Variants in DHRS3 observed in about 807,000 individuals in gnomAD.
DHRS3 encodes short-chain dehydrogenase/reductase 3.
Under a neutral mutation model 27.2 loss-of-function variants are expected in DHRS3, and 14 were observed. That is an observed-to-expected ratio of 0.52 (90% CI 0.34 to 0.81). The LOEUF (loss-of-function observed/expected upper bound fraction) is 0.81. DHRS3 is among the 30% of genes least tolerant of loss of function. The pLI is 0.01. For missense variants in DHRS3, 322 were observed against 406.2 expected, an observed-to-expected ratio of 0.79 and a Z score of 1.78; for synonymous variants, 165 against 175.9, an observed-to-expected ratio of 0.94 and a Z score of 0.49.
chr1:12,616,754 G>T (rs1446053843), intron 1 of DHRS3: 1 of 1,019,940 alleles, frequency 9.8e-7, no homozygotes, highest in East Asian at 9.6e-5. Context: ...CAGCTAGCAG[G>T]CGGCTCCCAG....
chr1:12,589,738 C>T (rs1398796577), intron 1 of DHRS3, among the ~76,000 whole-genome samples: 1 of 152,126 alleles, frequency 6.6e-6, no homozygotes, highest in Admixed American at 6.5e-5. Context: ...ATTCCCAGCA[C>T]TTTGGGAGGC....
chr1:12,583,393 CATCCATCCATCCACTCACCTACTT>C (rs1356188392), intron 1 of DHRS3, among the ~76,000 whole-genome samples: 7 of 145,588 alleles, frequency 4.8e-5, no homozygotes, highest in Non-Finnish European at 7.6e-5. Flanking sequence ...CCCATCCATC[CATCCATCCATCCACTCACCTACTT>C]ATCCATCCAT....
At chr1:12,577,536 G>C (rs1033159145) in intron 4 of DHRS3, among the ~76,000 whole-genome samples, 1 of 152,114 alleles carries the variant, frequency 6.6e-6, no homozygotes, top group Non-Finnish European at 1.5e-5. Context: ...ATTTTAAATT[G>C]AGCTACGGCC....
rs933455601 is a variant in DHRS3 at position 12,593,600 on chromosome 1, A to G, written c.196-12934T>C. The stretch of plus-strand genomic sequence containing the variant: ...AACACCAGCTCTGATTTGATTTACA[A>G]ATCTACCCTTCTTTGATTTCCTCCT... On this transcript the variant is annotated intron_variant, in intron 1 of 5. Transcript: ENST00000616661. This position sits in a 1 kb window ranked among gnomAD's most constrained non-coding sequence, Gnocchi z 4.6. Among the ~76,000 whole-genome samples, 1 of 152,010 alleles carries G rather than the reference A, an allele frequency of 6.6e-6. No homozygotes were observed. Among genetic ancestry groups the G allele is most frequent in the Non-Finnish European group, 1.5e-5 (1 of 67,992 alleles).
intron 1 of DHRS3, chr1:12,616,643 C>A (rs1358216294): frequency 1.3e-5 from 13 of 993,620 alleles, no homozygotes; most frequent in East Asian, 1.1e-4. Context: ...GACCGCTCTT[C>A]CCTTTTCAAA....
chr1:12,602,328 G>A (rs1032587511), intron 1 of DHRS3, among the ~76,000 whole-genome samples: 1 of 151,950 alleles, frequency 6.6e-6, no homozygotes, highest in East Asian at 1.9e-4. Context: ...GCTGTGCCAC[G>A]GGTCATCTCA....
At chr1:12,611,860 G>C (rs921181620) in intron 1 of DHRS3, among the ~76,000 whole-genome samples, 1 of 151,936 alleles carries the variant, frequency 6.6e-6, no homozygotes, top group African/African-American at 2.4e-5. Context: ...GGAAGGTCAA[G>C]AAGGAAGGAT....
chr1:12,583,323 T>TCATC (rs533930418), intron 1 of DHRS3, among the ~76,000 whole-genome samples: 5,519 of 126,580 alleles, frequency 0.044, 198 homozygotes, highest in Non-Finnish European at 0.06. Context: ...CCTACTCCAT[T>TCATC]CATCCATCCA....
chr1:12,571,850 A>G (rs1347891916), intron 5 of DHRS3, among the ~76,000 whole-genome samples: 2 of 152,106 alleles, frequency 1.3e-5, no homozygotes, highest in Non-Finnish European at 2.9e-5. Context: ...TTTCTGTAAT[A>G]ATACTAAGAT....
rs900740125 is a variant in DHRS3 at position 12,608,687 on chromosome 1, C to T, written c.195+8467G>A. Among the ~76,000 whole-genome samples, 9 of 152,080 alleles carry T rather than the reference C, an allele frequency of 5.9e-5. No homozygotes were observed. The South Asian group carries it at 8.3e-4, about 14-fold the overall frequency. ...CTAACCTCCCCCAGTGCAGAAATCT[C>T]GACACCATGTTTGCTTAAAGAGCAA... On this transcript the variant is annotated intron_variant, in intron 1 of 5. Transcript: ENST00000616661. The surrounding 1 kb of genome is among the most constrained non-coding windows in gnomAD (Gnocchi z 4.1).
At chr1:12,572,707 T>G (rs1205708089) in intron 5 of DHRS3, 21 bp downstream of exon 5, 1 of 1,571,820 alleles carries the variant, frequency 6.4e-7, no homozygotes, top group African/African-American at 1.3e-5. Context: ...TGACCCAGAG[T>G]GTTCTTTCCC....
chr1:12,606,136 CAAAAA>C (rs35154933), intron 1 of DHRS3, among the ~76,000 whole-genome samples: 3 of 106,846 alleles, frequency 2.8e-5, no homozygotes, highest in Non-Finnish European at 1.8e-5. Flanking sequence ...GACTCTGTCT[CAAAAA>C]AAAAAAAAAA....
chr1:12,589,307 C>T (rs938592404), intron 1 of DHRS3, among the ~76,000 whole-genome samples: 2 of 152,016 alleles, frequency 1.3e-5, no homozygotes, highest in African/African-American at 2.4e-5. Flanking sequence ...GGGTTCAATT[C>T]TTTAACAGTT....
At chr1:12,572,922 G>A (rs1261903740) in intron 4 of DHRS3, 69 bp from the exon 5 acceptor site, 2 of 1,490,216 alleles carry the variant, frequency 1.3e-6, no homozygotes, top group Middle Eastern at 1.8e-4. Context: ...GTCTTTATGA[G>A]GCTGACATGT....
chr1:12,600,443 T>A, intron 1 of DHRS3: 1 of 968,098 alleles, frequency 1.0e-6, no homozygotes, highest in Non-Finnish European at 1.2e-6. Context: ...CAGGTCAGAC[T>A]CTTAATTCTT....
intron 1 of DHRS3, among the ~76,000 whole-genome samples, chr1:12,596,558 GC>G (rs1156778999): frequency 6.6e-6 from 1 of 152,024 alleles, no homozygotes; most frequent in Non-Finnish European, 1.5e-5. Flanking sequence ...AGCTCCCAGA[GC>G]AGCCCTGGAC....
In DHRS3 at chr1:12,577,030, G is replaced by A. The variant is rs77973391; in HGVS notation, c.698+1688C>T. 3.4e-3 allele frequency among the ~76,000 whole-genome samples: 514 copies of A among 151,890 alleles called. 4 individuals carry two copies. The highest frequency in any genetic ancestry group is 0.011 in the African/African-American group (442 of 41,388). On this transcript the variant is annotated intron_variant, in intron 4 of 5. Coordinates refer to ENST00000616661, the MANE Select transcript of DHRS3 (RefSeq NM_004753.7). Reference sequence around the variant, plus strand: ...TGTCCCGATTAATAGTAACTAAGGCGTAATGAGTGACTCCCACGTGGCATG... The same window carrying A: ...TGTCCCGATTAATAGTAACTAAGGCATAATGAGTGACTCCCACGTGGCATG...
intron 1 of DHRS3, among the ~76,000 whole-genome samples, chr1:12,587,238 G>A (rs1357390331): frequency 6.6e-6 from 1 of 151,552 alleles, no homozygotes; most frequent in African/African-American, 2.4e-5. Context: ...CATTTCCTGG[G>A]CTCAGGTGAT....
chr1:12,576,430 T>C (rs1017435651), intron 4 of DHRS3, among the ~76,000 whole-genome samples: 4 of 151,928 alleles, frequency 2.6e-5, no homozygotes, highest in African/African-American at 9.7e-5. Context: ...GGCGTGGTGG[T>C]GGGCACCTGT....
Sources: allele counts gnomAD v4.1 joint callset (sites outside exome capture counted in the v4.1 genomes callset), GRCh38; gene constraint gnomAD v4.1.1; non-coding constraint Gnocchi (gnomAD v3.1); transcripts MANE v1.5; gene names NCBI Gene and HGNC (gene_info 2026-07-23, HGNC 2026-07-21).